PAK5: variants seen among roughly 807,000 people sequenced by gnomAD.
PAK5 encodes the protein serine/threonine-protein kinase PAK 5.
A neutral mutation model predicts 65.9 loss-of-function variants in PAK5; 16 were observed. The observed-to-expected ratio is 0.24, with a 90% CI of 0.16 to 0.37. PAK5 has a LOEUF of 0.37. PAK5 is among the 10% of genes least tolerant of loss of function. The pLI is 1.00. For synonymous variants in PAK5, 371 were observed against 354.9 expected, an observed-to-expected ratio of 1.05 and a Z score of -0.51; for missense variants, 785 against 903.9, an observed-to-expected ratio of 0.87 and a Z score of 1.69.
At chr20:9,672,032 G>C (rs1166248745) in intron 2 of PAK5, among the ~76,000 whole-genome samples, 1 of 151,810 alleles carries the variant, frequency 6.6e-6, no homozygotes, top group East Asian at 1.9e-4. Flanking sequence ...TTTGTTGAAG[G>C]AATGAACAAA....
chr20:9,752,779 C>T (rs191491177), intron 1 of PAK5, among the ~76,000 whole-genome samples: 348 of 152,220 alleles, frequency 2.3e-3, no homozygotes, highest in Admixed American at 3.7e-3. Flanking sequence ...CAAGCCCTTG[C>T]AATGTGACTT....
At chr20:9,574,591 T>C (rs570385957) in intron 4 of PAK5, among the ~76,000 whole-genome samples, 1 of 152,304 alleles carries the variant, frequency 6.6e-6, no homozygotes, top group South Asian at 2.1e-4. Context: ...AAATTCATTT[T>C]GTTTTTAATT....
intron 1 of PAK5, among the ~76,000 whole-genome samples, chr20:9,752,326 C>T (rs768891698): frequency 1.3e-5 from 2 of 152,030 alleles, no homozygotes; most frequent in Non-Finnish European, 2.9e-5. Flanking sequence ...ACTCTTAGAC[C>T]TCAGAAAGGA....
rs1346704153 is a variant in PAK5 at position 9,641,464 on chromosome 20, T to G, written c.204+2661A>C. Among the ~76,000 whole-genome samples, 9 of 119,376 alleles carry G rather than the reference T, an allele frequency of 7.5e-5. 1 individual carries two copies. 78.3% of individuals were successfully genotyped at this position (119,376 alleles called of 152,430 possible). ...AGAGTGCCGATTGGTGTATTTACAATCCCTGAGCTAGACAGAAAGACTCTC... is the reference window on the plus strand; with the variant it reads ...AGAGTGCCGATTGGTGTATTTACAAGCCCTGAGCTAGACAGAAAGACTCTC... On this transcript the variant is annotated intron_variant, in intron 3 of 9. Transcript: ENST00000353224.
At chr20:9,807,879 C>G (rs775621036) in intron 1 of PAK5, among the ~76,000 whole-genome samples, 1 of 151,952 alleles carries the variant, frequency 6.6e-6, no homozygotes, top group Non-Finnish European at 1.5e-5. Context: ...GACAATCATG[C>G]AAGATGGAGA....
At chr20:9,740,131 G>A (rs780136990) in intron 1 of PAK5, among the ~76,000 whole-genome samples, 35 of 152,118 alleles carry the variant, frequency 2.3e-4, no homozygotes, top group Non-Finnish European at 3.5e-4. Context: ...GAAAAATGTC[G>A]GAGCCACTAC....
intron 3 of PAK5, among the ~76,000 whole-genome samples, chr20:9,587,599 C>CCA (rs1209088637): frequency 6.6e-6 from 1 of 151,986 alleles, no homozygotes; most frequent in Non-Finnish European, 1.5e-5. Context: ...ATATTTCAGT[C>CCA]CAGTGCTTCT....
At chr20:9,712,727 C>T (rs145597239) in intron 1 of PAK5, among the ~76,000 whole-genome samples, 1 of 152,044 alleles carries the variant, frequency 6.6e-6, no homozygotes, top group Non-Finnish European at 1.5e-5. Context: ...CACTTACAGG[C>T]AACTAATTTT....
chr20:9,624,263 A>G (rs971542498), intron 3 of PAK5, among the ~76,000 whole-genome samples: 4 of 152,180 alleles, frequency 2.6e-5, no homozygotes, highest in African/African-American at 9.7e-5. Context: ...GTCCAGTCCT[A>G]TAGAAATTTT....
At chr20:9,672,685 TATTAGC>T (rs2047516664) in intron 2 of PAK5, among the ~76,000 whole-genome samples, 1 of 152,176 alleles carries the variant, frequency 6.6e-6, no homozygotes, top group Admixed American at 6.6e-5. Context: ...CGTATGTCTT[TATTAGC>T]AGCTTGAGAA....
At chr20:9,564,333 A>G (rs752930037) in intron 5 of PAK5, among the ~76,000 whole-genome samples, 1 of 152,238 alleles carries the variant, frequency 6.6e-6, no homozygotes, top group Non-Finnish European at 1.5e-5. Flanking sequence ...ATATACAGAG[A>G]AGGGTTAATT....
At chr20:9,831,020 T>A (rs1355395051) in intron 1 of PAK5, among the ~76,000 whole-genome samples, 1 of 152,188 alleles carries the variant, frequency 6.6e-6, no homozygotes, top group Admixed American at 6.5e-5. Context: ...GGCCTACTAA[T>A]CAAGGCACCC....
intron 2 of PAK5, among the ~76,000 whole-genome samples, chr20:9,653,260 G>T (rs540482441): frequency 9.9e-5 from 15 of 152,274 alleles, no homozygotes; most frequent in Non-Finnish European, 1.9e-4. Context: ...CAGAAAAACT[G>T]CATGGAAAGT....
chr20:9,662,038 G>T (rs2047353653), intron 2 of PAK5, among the ~76,000 whole-genome samples: 1 of 152,120 alleles, frequency 6.6e-6, no homozygotes, highest in African/African-American at 2.4e-5. Context: ...GAAGCTTGGG[G>T]TTTATCTGTA....
intron 3 of PAK5, among the ~76,000 whole-genome samples, chr20:9,635,540 C>A (rs551729020): frequency 9.2e-5 from 14 of 152,254 alleles, no homozygotes; most frequent in Non-Finnish European, 1.9e-4. Flanking sequence ...CTTGTTCCTG[C>A]CACAGGGTCT....
intron 2 of PAK5, among the ~76,000 whole-genome samples, chr20:9,675,326 T>G (rs1157785401): frequency 6.6e-6 from 1 of 152,040 alleles, no homozygotes; most frequent in Non-Finnish European, 1.5e-5. Flanking sequence ...GCAAGGACAA[T>G]AAAATAAGGA....
At chr20:9,706,393 C>T (rs1447082451) in intron 2 of PAK5, among the ~76,000 whole-genome samples, 1 of 152,140 alleles carries the variant, frequency 6.6e-6, no homozygotes, top group Non-Finnish European at 1.5e-5. Context: ...TGCTTTCAAC[C>T]ACATTGTTTT....
chr20:9,656,973 A>G (rs2047276597), intron 2 of PAK5, among the ~76,000 whole-genome samples: 1 of 152,198 alleles, frequency 6.6e-6, no homozygotes. Context: ...TACATCTTAC[A>G]TAGTTAGGGT....
At chr20:9,655,143 T>C (rs1331160624) in intron 2 of PAK5, among the ~76,000 whole-genome samples, 1 of 152,246 alleles carries the variant, frequency 6.6e-6, no homozygotes, top group Non-Finnish European at 1.5e-5. Context: ...CTAAAATGTA[T>C]GTCTGTATTA....
Sources: allele counts gnomAD v4.1 joint callset (sites outside exome capture counted in the v4.1 genomes callset), GRCh38; gene constraint gnomAD v4.1.1; transcripts MANE v1.5; gene names NCBI Gene and HGNC (gene_info 2026-07-23, HGNC 2026-07-21).